Variants in MBD2 observed in about 807,000 individuals in gnomAD.
The protein encoded by MBD2 is methyl-CpG-binding domain protein 2.
MBD2 carries 9 observed loss-of-function variants against 39.3 expected under a neutral mutation model. The observed-to-expected ratio is 0.23, with a 90% confidence interval of 0.14 to 0.40. The LOEUF (loss-of-function observed/expected upper bound fraction) is 0.40. Ranked by LOEUF, MBD2 falls within the 10% of genes least tolerant of loss-of-function variation. The pLI is 1.00. For missense variants in MBD2, 458 were observed against 532.6 expected (o/e 0.86, Z 1.38); for synonymous variants, 233 against 211.1 (o/e 1.10, Z -0.90).
intron 3 of MBD2, 143 bp downstream of exon 3, chr18:54,188,731 A>C (rs2086300012): frequency 1.3e-6 from 1 of 772,866 alleles, no homozygotes; most frequent in African/African-American, 1.7e-5. Context: ...TGCATACTTC[A>C]GCATTCATGT....
At chr18:54,177,825 C>G (rs1450910576) in intron 3 of MBD2, among the ~76,000 whole-genome samples, 12 of 106,228 alleles carry the variant, frequency 1.1e-4, no homozygotes, top group Non-Finnish European at 2.4e-4. Context: ...TTTTTTTCCT[C>G]TCTTTTTTTT....
chr18:54,211,456 G>A (rs929385142), intron 1 of MBD2, among the ~76,000 whole-genome samples: 1 of 151,368 alleles, frequency 6.6e-6, no homozygotes, highest in Non-Finnish European at 1.5e-5. Context: ...ACCTAAGTCA[G>A]CTCCCTGTAC....
Position 54,221,806 on chromosome 18 carries a change from A to G in MBD2, c.542+2212T>C, listed in dbSNP as rs150268500. 8.2e-3 allele frequency among the ~76,000 whole-genome samples: 1,244 copies of G among 152,354 alleles called. 20 individuals are homozygous for G. The highest frequency in any genetic ancestry group is 0.028 in the African/African-American group (1,151 of 41,574). ...ATAAATTTAACATCAGAAAATTTAC[A>G]CAACATCCAAGAAAATGTTAAGTGG... is the stretch of plus-strand genomic sequence containing the variant. On this transcript the variant is annotated intron_variant, in intron 1 of 6. Transcript: ENST00000256429.
At chr18:54,200,948 C>G (rs1812558) in intron 2 of MBD2, among the ~76,000 whole-genome samples, 1 of 151,598 alleles carries the variant, frequency 6.6e-6, no homozygotes, top group Non-Finnish European at 1.5e-5. Flanking sequence ...GGCGTGGTGG[C>G]GGGGGCCTGT....
intron 1 of MBD2, among the ~76,000 whole-genome samples, chr18:54,211,631 T>C (rs1416885907): frequency 6.6e-6 from 1 of 152,064 alleles, no homozygotes; most frequent in Non-Finnish European, 1.5e-5. Flanking sequence ...AAACACAGCC[T>C]TCCTTTCCAT....
In MBD2 at chr18:54,224,488, G is replaced by A. The variant is rs2086645772; in HGVS notation, c.72C>T (p.Ser24=). Residue 24 remains serine (S), a synonymous_variant, in exon 1 of 7, where the codon AGC becomes AGT. Transcript: ENST00000256429. The part of the protein sequence containing the change: ...QEEGESAAGG[S]GAGGDSAIEQ... ...CTATGGCGGAGTCGCCGCCAGCGCC[G>A]CTGCCGCCCGCCGCACTCTCCCCCT... The A allele has an allele frequency of 1.6e-6, 2 of 1,231,724 alleles. No homozygotes were observed. The highest frequency in any genetic ancestry group is 1.6e-5 in the African/African-American group (1 of 63,792). 76.3% of individuals were successfully genotyped at this position (1,231,724 alleles called of 1,614,324 possible). A position where few individuals can be genotyped will look rare whatever the true frequency, so the allele number is the denominator to read the frequency against.
At chr18:54,216,726 CAAAGA>C (rs906398579) in intron 1 of MBD2, among the ~76,000 whole-genome samples, 1 of 151,468 alleles carries the variant, frequency 6.6e-6, no homozygotes, top group Non-Finnish European at 1.5e-5. Flanking sequence ...ATAAAAATAA[CAAAGA>C]AAAGAATACC....
At chr18:54,185,924 G>T (rs938015122) in intron 3 of MBD2, among the ~76,000 whole-genome samples, 10 of 151,894 alleles carry the variant, frequency 6.6e-5, no homozygotes, top group African/African-American at 2.2e-4. Flanking sequence ...ACCCTAATTT[G>T]CACTTTTAAA....
intron 2 of MBD2, among the ~76,000 whole-genome samples, chr18:54,197,124 T>C (rs1328534321): frequency 6.6e-6 from 1 of 152,174 alleles, no homozygotes; most frequent in African/African-American, 2.4e-5. Context: ...GCTACATCTT[T>C]CCCTTTCTTC....
intron 6 of MBD2, among the ~76,000 whole-genome samples, chr18:54,159,420 C>CTT (rs112503497): frequency 6.9e-6 from 1 of 145,746 alleles, no homozygotes; most frequent in Non-Finnish European, 1.5e-5. Flanking sequence ...ACAGCGACAC[C>CTT]TTTTTTTTTT....
At position 54,152,285 on chromosome 18, in the gene MBD2, T is replaced by C. The variant is rs1378049986; in HGVS notation, c.*3039A>G. 1 of 152,136 alleles carries C rather than the reference T, an allele frequency of 6.6e-6. No homozygotes were observed. Among genetic ancestry groups the C allele is most frequent in the Non-Finnish European group, 1.5e-5 (1 of 68,096 alleles). The allele number at this position is 152,136 out of a possible 1,614,324, so 9.4% of individuals were successfully genotyped here. A position where few individuals can be genotyped will look rare whatever the true frequency, so the allele number is the denominator to read the frequency against. ...TGTTTCAGGCAAAGGGAACAACAGG[T>C]ACAAAGACACAGAGGCCCAAGGGGC... On this transcript the variant is annotated 3_prime_UTR_variant, in exon 7 of 7. Coordinates refer to ENST00000256429, the MANE Select transcript of MBD2 (RefSeq NM_003927.5).
At chr18:54,189,472 T>C (rs1568085682) in intron 2 of MBD2, among the ~76,000 whole-genome samples, 1 of 152,154 alleles carries the variant, frequency 6.6e-6, no homozygotes, top group East Asian at 1.9e-4. Flanking sequence ...TCCACCCGCC[T>C]CGGCCTCCCA....
At chr18:54,217,911 C>T (rs1414169294) in intron 1 of MBD2, among the ~76,000 whole-genome samples, 2 of 152,100 alleles carry the variant, frequency 1.3e-5, no homozygotes, top group Non-Finnish European at 2.9e-5. Flanking sequence ...ACAAAAATTC[C>T]TTTGGTATCT....
At chr18:54,186,922 T>G (rs1356842002) in intron 3 of MBD2, among the ~76,000 whole-genome samples, 3 of 152,224 alleles carry the variant, frequency 2.0e-5, no homozygotes, top group Non-Finnish European at 4.4e-5. Context: ...ACCTTTCATT[T>G]GAGAATAATC....
chr18:54,207,251 CTT>C (rs2086458012), intron 1 of MBD2, among the ~76,000 whole-genome samples: 2 of 152,186 alleles, frequency 1.3e-5, no homozygotes, highest in South Asian at 4.1e-4. Context: ...CCAGTCATGT[CTT>C]TCCAGATGGA....
At chr18:54,156,688 G>GA (rs1318379463) in intron 6 of MBD2, among the ~76,000 whole-genome samples, 2 of 151,932 alleles carry the variant, frequency 1.3e-5, no homozygotes, top group Non-Finnish European at 1.5e-5. Flanking sequence ...ACCGTCTCTA[G>GA]AAAAAATACA....
chr18:54,214,166 T>C (rs2086535194), intron 1 of MBD2, among the ~76,000 whole-genome samples: 1 of 151,522 alleles, frequency 6.6e-6, no homozygotes, highest in African/African-American at 2.4e-5. Flanking sequence ...TATACATATA[T>C]ATATATTTTG....
At chr18:54,173,667 G>C (rs2086193048) in intron 3 of MBD2, among the ~76,000 whole-genome samples, 2 of 152,150 alleles carry the variant, frequency 1.3e-5, no homozygotes, top group Non-Finnish European at 2.9e-5. Context: ...TTAAAATAAT[G>C]CAAGGATTTT....
intron 3 of MBD2, among the ~76,000 whole-genome samples, chr18:54,177,726 C>A (rs1203388038): frequency 2.0e-5 from 3 of 151,422 alleles, no homozygotes; most frequent in Admixed American, 6.6e-5. Flanking sequence ...GTTATCCGCC[C>A]GCCTCAGCCT....
Sources: gnomAD v4.1 joint callset for allele counts (sites outside exome capture counted in the v4.1 genomes callset) on GRCh38, gnomAD v4.1.1 for gene constraint, MANE v1.5 for transcripts, NCBI Gene and HGNC (gene_info 2026-07-23, HGNC 2026-07-21) for gene names.